CRYBG3: variants seen among roughly 807,000 people sequenced by gnomAD.
CRYBG3 encodes very large A-kinase anchor protein.
CRYBG3 carries 127 observed loss-of-function variants against 244.2 expected under a neutral mutation model. That is an observed-to-expected ratio of 0.52 (90% CI 0.45 to 0.60). The LOEUF (loss-of-function observed/expected upper bound fraction) is 0.60. Among genes scored for constraint, CRYBG3 ranks in the 20% least tolerant of loss-of-function variants. The probability of loss-of-function intolerance (pLI) is 0.00; values close to 1 mark genes in which losing one functional copy is unlikely to be tolerated. For synonymous variants in CRYBG3, 1,132 were observed against 1,195.8 expected, an observed-to-expected ratio of 0.95 and a Z score of 1.10; for missense variants, 3,325 against 3,442.5, an observed-to-expected ratio of 0.97 and a Z score of 0.85.
At chr3:97,825,484 T>C (rs4524221) in intron 1 of CRYBG3, among the ~76,000 whole-genome samples, 143,564 of 152,308 alleles carry the variant, frequency 0.94, 67,777 homozygotes, top group East Asian at 1. Flanking sequence ...TCACACTCAG[T>C]GTGAAATGTT....
At chr3:97,910,911 T>A (rs1282724641) in intron 15 of CRYBG3, among the ~76,000 whole-genome samples, 2 of 152,228 alleles carry the variant, frequency 1.3e-5, no homozygotes, top group African/African-American at 4.8e-5. Context: ...TGGTTTGGAC[T>A]TCATTTCTTT....
intron 17 of CRYBG3, among the ~76,000 whole-genome samples, chr3:97,928,923 C>A (rs1049778683): frequency 6.6e-6 from 1 of 151,918 alleles, no homozygotes; most frequent in African/African-American, 2.4e-5. Context: ...TAACTTAGAA[C>A]AATAATTCCC....
Position 97,888,449 on chromosome 3 carries a change from TCA to T in CRYBG3, c.7399_7400del (p.Gln2467AsnfsTer18). 1 of 1,582,494 alleles carries T rather than the reference TCA, an allele frequency of 6.3e-7. No individual in the cohort carries two copies. The highest frequency in any genetic ancestry group is 2.2e-5 in the East Asian group (1 of 44,684). On this transcript the variant is annotated frameshift_variant, in exon 9 of 22. Transcript: ENST00000389622. LOFTEE classifies it high-confidence loss of function. ...CAGAAATGAAATCATTACATCCGCTTCAAATGGTAAGCAAATTTAAAAAGAAG... is the reference window on the plus strand; with the variant it reads ...CAGAAATGAAATCATTACATCCGCTTAATGGTAAGCAAATTTAAAAAGAAG... ...TAEMKSLHPL[Q>X]MGGLKVEMPM...
chr3:97,868,058 C>T (rs185190525), intron 3 of CRYBG3, among the ~76,000 whole-genome samples: 1,828 of 151,968 alleles, frequency 0.012, 24 homozygotes, highest in African/African-American at 0.041. Context: ...CCGAGGCGGG[C>T]GGATCACGAG....
chr3:97,871,848 C>A lies in CRYBG3; in HGVS notation c.654C>A (p.Ile218=), dbSNP rs779888475. Reference sequence around the variant, plus strand: ...TCATGCTTTCTTTTTACAGACAAATCGATGGTAAACCAGAGAAGCCTTCAG... The same window carrying A: ...TCATGCTTTCTTTTTACAGACAAATAGATGGTAAACCAGAGAAGCCTTCAG... The part of the protein sequence containing the change: ...DQETTNLLKQ[I]DGKPEKPSVT... The change falls in exon 4 of 22, where the codon ATC becomes ATA. Residue 218 remains isoleucine (I), a synonymous_variant. Transcript: ENST00000389622. 3 of 1,489,064 alleles carry A rather than the reference C, an allele frequency of 2.0e-6. No homozygotes were observed. The highest frequency in any genetic ancestry group is 2.5e-5 in the Admixed American group (1 of 40,210). The allele number at this position is 1,489,064 out of a possible 1,614,324, so 92.2% of individuals were successfully genotyped here.
At chr3:97,855,408 A>G (rs2039049353) in intron 2 of CRYBG3, among the ~76,000 whole-genome samples, 2 of 152,056 alleles carry the variant, frequency 1.3e-5, no homozygotes. Flanking sequence ...AAATAGTTTG[A>G]GAATAATTGG....
chr3:97,852,222 G>T (rs1444142019), intron 2 of CRYBG3, among the ~76,000 whole-genome samples: 1 of 152,200 alleles, frequency 6.6e-6, no homozygotes, highest in Non-Finnish European at 1.5e-5. Context: ...CATGTTATAT[G>T]AGGGATGGCT....
At chr3:97,859,736 T>C (rs2039118970) in intron 2 of CRYBG3, among the ~76,000 whole-genome samples, 1 of 152,170 alleles carries the variant, frequency 6.6e-6, no homozygotes, top group Non-Finnish European at 1.5e-5. Context: ...CCTTTCACTT[T>C]ACTGAGGTCA....
intron 2 of CRYBG3, among the ~76,000 whole-genome samples, chr3:97,862,563 T>C (rs987186906): frequency 2.6e-5 from 4 of 152,186 alleles, no homozygotes; most frequent in Admixed American, 6.5e-5. Context: ...AAAATGTATA[T>C]CTTTCATATA....
intron 10 of CRYBG3, among the ~76,000 whole-genome samples, chr3:97,890,090 A>G (rs1424672980): frequency 1.3e-5 from 2 of 152,250 alleles, no homozygotes; most frequent in South Asian, 2.1e-4. Context: ...CAACTCTCCC[A>G]TTTCTGGGCT....
chr3:97,877,160 T>C lies in CRYBG3; in HGVS notation c.5966T>C (p.Val1989Ala), dbSNP rs2039386650. 2 of 1,614,028 alleles carry C rather than the reference T, an allele frequency of 1.2e-6. No individual in the cohort carries two copies. Among genetic ancestry groups the C allele is most frequent in the Non-Finnish European group, 1.7e-6 (2 of 1,179,954 alleles). ...GACAAAGGATATAATTTAGCTTTTG[T>C]TTCTCAAGATGAACAAGAAAATTCT... ...YSDKGYNLAF[V>A]SQDEQENSSF... The change falls in exon 4 of 22, where the codon GTT becomes GCT. Residue 1989 changes from valine (V) to alanine (A), a missense_variant. Val to Ala is a moderately conservative substitution (Grantham distance 64). Coordinates refer to ENST00000389622, the MANE Select transcript of CRYBG3 (RefSeq NM_153605.4).
At position 97,912,153 on chromosome 3, in the gene CRYBG3, T is replaced by C; in HGVS notation, c.8005-14T>C. 1.4e-6 allele frequency: 2 copies of C among 1,460,424 alleles called. No homozygotes were observed. The highest frequency in any genetic ancestry group is 1.9e-6 in the Non-Finnish European group (2 of 1,059,102). 90.5% of individuals were successfully genotyped at this position (1,460,424 alleles called of 1,614,324 possible). A position where few individuals can be genotyped will look rare whatever the true frequency, so the allele number is the denominator to read the frequency against. On this transcript the variant is annotated splice_polypyrimidine_tract_variant and intron_variant, in intron 15 of 21. Transcript: ENST00000389622. ...TTTTTTTTCTATTTAACTGTTGTGT[T>C]GTTGTTCTTGTAGCTCAAAGCATTC...
chr3:97,931,593 G>T (rs2040097476), intron 17 of CRYBG3, among the ~76,000 whole-genome samples: 1 of 152,026 alleles, frequency 6.6e-6, no homozygotes, highest in Admixed American at 6.6e-5. Context: ...TCCAGTATAT[G>T]TTGGACATCA....
At chr3:97,941,341 T>A in intron 20 of CRYBG3, 35 bp downstream of exon 20, 1 of 1,493,736 alleles carries the variant, frequency 6.7e-7, no homozygotes, top group Non-Finnish European at 9.0e-7. Flanking sequence ...TGCCACTTTC[T>A]GGTCTGTTTT....
At chr3:97,915,786 TTTAA>T (rs1340890238) in intron 17 of CRYBG3, 50 bp downstream of exon 17, 15 of 1,406,372 alleles carry the variant, frequency 1.1e-5, no homozygotes, top group Non-Finnish European at 1.4e-5. Flanking sequence ...TCTTGTCCAG[TTTAA>T]TTACCACCAA....
At chr3:97,868,963 T>A (rs2039269116) in intron 3 of CRYBG3, among the ~76,000 whole-genome samples, 1 of 152,100 alleles carries the variant, frequency 6.6e-6, no homozygotes, top group Non-Finnish European at 1.5e-5. Flanking sequence ...AGAAACATTG[T>A]AGCCTGTTGA....
intron 2 of CRYBG3, among the ~76,000 whole-genome samples, chr3:97,848,139 G>C (rs543179366): frequency 6.6e-6 from 1 of 152,136 alleles, no homozygotes; most frequent in East Asian, 1.9e-4. Flanking sequence ...ATTTTATGTA[G>C]CTCCTCTTTC....
intron 2 of CRYBG3, among the ~76,000 whole-genome samples, chr3:97,853,790 A>G (rs2039023670): frequency 6.6e-6 from 1 of 152,106 alleles, no homozygotes; most frequent in South Asian, 2.1e-4. Flanking sequence ...CAATCGTGGT[A>G]TCACAATTGT....
At chr3:97,888,492 G>C (rs1559734007) in intron 9 of CRYBG3, 37 bp downstream of exon 9, 1 of 1,333,888 alleles carries the variant, frequency 7.5e-7, no homozygotes, top group Non-Finnish European at 1.1e-6. Flanking sequence ...CTTTTCCCAA[G>C]TACCCATGAA....
Sources: allele counts gnomAD v4.1 joint callset (sites outside exome capture counted in the v4.1 genomes callset), GRCh38; gene constraint gnomAD v4.1.1; transcripts MANE v1.5; gene names NCBI Gene and HGNC (gene_info 2026-07-23, HGNC 2026-07-21).